The following SDK1 variants were observed in gnomAD, a reference collection of about 807,000 sequenced individuals.
The protein encoded by SDK1 is protein sidekick-1.
SDK1 carries 157 observed loss-of-function variants against 245.5 expected under a neutral mutation model. The observed-to-expected ratio is 0.64, with a 90% CI of 0.56 to 0.73. The LOEUF (loss-of-function observed/expected upper bound fraction) is 0.73. Among genes scored for constraint, SDK1 ranks in the 30% least tolerant of loss-of-function variants. The pLI is 0.00. For synonymous variants in SDK1, 1,647 were observed against 1,278.5 expected, an observed-to-expected ratio of 1.29 and a Z score of -6.15; for missense variants, 3,583 against 3,002.3, an observed-to-expected ratio of 1.19 and a Z score of -4.52.
chr7:3,641,407 C>G (rs907848044), intron 3 of SDK1, among the ~76,000 whole-genome samples: 1 of 152,000 alleles, frequency 6.6e-6, no homozygotes, highest in South Asian at 2.1e-4. Flanking sequence ...AAGCTAGTTG[C>G]CCCAGATTAA....
At chr7:4,128,604 G>T (rs1784545404) in intron 26 of SDK1, among the ~76,000 whole-genome samples, 1 of 149,132 alleles carries the variant, frequency 6.7e-6, no homozygotes, top group Admixed American at 6.6e-5. Flanking sequence ...CTTGGGGTGG[G>T]GTCCCCTGGA....
At chr7:3,563,058 G>A (rs746983152) in intron 1 of SDK1, among the ~76,000 whole-genome samples, 12 of 152,148 alleles carry the variant, frequency 7.9e-5, no homozygotes, top group Non-Finnish European at 1.5e-4. Context: ...GAGTGGAGGA[G>A]AAACCAAAGA....
chr7:3,898,907 T>C (rs1045083307), intron 5 of SDK1, among the ~76,000 whole-genome samples: 19 of 152,222 alleles, frequency 1.2e-4, no homozygotes, highest in Non-Finnish European at 2.9e-5. Flanking sequence ...ATATTTTACC[T>C]TTAAATAAAT....
At chr7:3,719,996 A>G (rs1325705514) in intron 4 of SDK1, among the ~76,000 whole-genome samples, 2 of 152,084 alleles carry the variant, frequency 1.3e-5, no homozygotes, top group Non-Finnish European at 2.9e-5. Context: ...AAAAAGAAAG[A>G]AAAGGAAAAC....
chr7:3,676,559 T>C (rs1783908002), intron 4 of SDK1, among the ~76,000 whole-genome samples: 1 of 151,832 alleles, frequency 6.6e-6, no homozygotes. Flanking sequence ...TCTCCTGACC[T>C]TGTGATCTGC....
chr7:4,023,026 G>C (rs958800294), intron 17 of SDK1, among the ~76,000 whole-genome samples: 1 of 151,870 alleles, frequency 6.6e-6, no homozygotes, highest in Non-Finnish European at 1.5e-5. Context: ...CGCCTGCCTC[G>C]GCCTCCCAAA....
intron 17 of SDK1, among the ~76,000 whole-genome samples, chr7:4,042,839 C>T (rs894086270): frequency 5.9e-5 from 9 of 152,318 alleles, no homozygotes; most frequent in South Asian, 2.1e-4. Context: ...AAGGATTTGC[C>T]GGCTGTAACT....
At chr7:3,739,436 A>G (rs1399772838) in intron 4 of SDK1, among the ~76,000 whole-genome samples, 3 of 152,012 alleles carry the variant, frequency 2.0e-5, no homozygotes, top group African/African-American at 7.3e-5. Context: ...GTGTGTTGGC[A>G]CACCTGTTGG....
chr7:4,129,883 C>T (rs970033758), intron 26 of SDK1, 25 bp from the exon 27 acceptor site: 3 of 1,612,444 alleles, frequency 1.9e-6, no homozygotes, highest in Non-Finnish European at 8.5e-7. Context: ...CTCCTGATAA[C>T]CCTCGTGCTG....
At chr7:3,442,065 C>G (rs1780212042) in intron 1 of SDK1, among the ~76,000 whole-genome samples, 1 of 152,166 alleles carries the variant, frequency 6.6e-6, no homozygotes, top group Non-Finnish European at 1.5e-5. Flanking sequence ...CTGCTGGTAC[C>G]TGCCAGATGG....
intron 22 of SDK1, among the ~76,000 whole-genome samples, chr7:4,091,458 T>C (rs946489341): frequency 6.7e-6 from 1 of 148,730 alleles, no homozygotes; most frequent in Non-Finnish European, 1.5e-5. Flanking sequence ...TTCTCATGCC[T>C]CAGCTTCCTG....
intron 14 of SDK1, among the ~76,000 whole-genome samples, chr7:3,992,624 T>C (rs1583760061): frequency 6.6e-6 from 1 of 152,216 alleles, no homozygotes; most frequent in East Asian, 1.9e-4. Flanking sequence ...TGCTTATCGA[T>C]TATGATCAAA....
chr7:3,730,720 C>G (rs2115040318), intron 4 of SDK1, among the ~76,000 whole-genome samples: 1 of 152,210 alleles, frequency 6.6e-6, no homozygotes, highest in South Asian at 2.1e-4. Context: ...TTCCAGGAAA[C>G]TATCAAGAGT....
intron 5 of SDK1, among the ~76,000 whole-genome samples, chr7:3,892,693 G>A (rs1781490352): frequency 6.6e-6 from 1 of 152,202 alleles, no homozygotes; most frequent in Non-Finnish European, 1.5e-5. Context: ...CAGAAGCACA[G>A]GTGTGACAGT....
intron 5 of SDK1, among the ~76,000 whole-genome samples, chr7:3,891,788 G>A (rs1781466408): frequency 2.0e-5 from 3 of 152,234 alleles, no homozygotes; most frequent in African/African-American, 7.2e-5. Context: ...CGTAGGCTGT[G>A]CTTTCACGGC....
rs531001650 is a variant in SDK1 at position 4,039,371 on chromosome 7, C to A, written c.2603-9977C>A. Among the ~76,000 whole-genome samples the A allele has an allele frequency of 5.4e-4, 82 of 152,004 alleles. 1 individual carries two copies. Among genetic ancestry groups the A allele is most frequent in the Middle Eastern group, 6.8e-3 (2 of 294 alleles). ...AAATATGCAACAGTATTAAAAATAT[C>A]AACCTAAGTAATTTTACTAAATATA... is the stretch of plus-strand genomic sequence containing the variant. On this transcript the variant is annotated intron_variant, in intron 17 of 44. Coordinates refer to ENST00000404826, the MANE Select transcript of SDK1 (RefSeq NM_152744.4).
intron 4 of SDK1, among the ~76,000 whole-genome samples, chr7:3,679,208 A>T (rs576748006): frequency 1.3e-5 from 2 of 152,354 alleles, no homozygotes; most frequent in South Asian, 4.1e-4. Context: ...ATGTCTTTCA[A>T]AGGACTTTTA....
intron 5 of SDK1, among the ~76,000 whole-genome samples, chr7:3,942,731 C>T (rs1780414627): frequency 6.6e-6 from 1 of 152,194 alleles, no homozygotes; most frequent in African/African-American, 2.4e-5. Flanking sequence ...AAAAAGAAAA[C>T]CCCATAGATG....
chr7:4,147,546 G>T (rs561465430), intron 29 of SDK1, among the ~76,000 whole-genome samples: 2 of 152,152 alleles, frequency 1.3e-5, no homozygotes, highest in African/African-American at 4.8e-5. Context: ...GGGATTGCAG[G>T]TGTGAGCCCC....
Sources: allele counts gnomAD v4.1 joint callset (sites outside exome capture counted in the v4.1 genomes callset), GRCh38; gene constraint gnomAD v4.1.1; transcripts MANE v1.5; gene names NCBI Gene and HGNC (gene_info 2026-07-23, HGNC 2026-07-21).